TOGARAM2: variants seen among roughly 807,000 people sequenced by gnomAD.
TOGARAM2 encodes TOG array regulator of axonemal microtubules 2, also known as TOG array regulator of axonemal microtubules protein 2.
In TOGARAM2, 85 loss-of-function variants were observed where a neutral mutation model predicts 93.3. The observed-to-expected ratio is 0.91, with a 90% CI of 0.76 to 1.09. TOGARAM2 has a LOEUF of 1.09. Among genes scored for constraint, TOGARAM2 ranks in the 50% least tolerant of loss-of-function variants. The pLI is 0.00. For missense variants in TOGARAM2, 1,277 were observed against 1,334.5 expected (o/e 0.96, Z 0.67); for synonymous variants, 593 against 552.8 (o/e 1.07, Z -1.02).
In TOGARAM2 at chr2:28,965,154, G is replaced by A. The variant is rs1671850881; in HGVS notation, c.-147+8457G>A. Among the ~76,000 whole-genome samples the A allele has an allele frequency of 2.0e-5, 3 of 152,146 alleles. No individual in the cohort carries two copies. The South Asian group carries it at 6.2e-4, about 32-fold the overall frequency. On this transcript the variant is annotated intron_variant, in intron 1 of 6. Transcript: ENST00000401723. ...CTCCACAACCTCACCAGCGTCTGTT[G>A]TTTCTTGACTTTTTAATATTTGCTG... is the stretch of plus-strand genomic sequence containing the variant.
At chr2:28,962,464 G>A (rs1013057998) in intron 1 of TOGARAM2, among the ~76,000 whole-genome samples, 10 of 152,180 alleles carry the variant, frequency 6.6e-5, no homozygotes, top group East Asian at 5.8e-4. Flanking sequence ...GTGAACCACC[G>A]TGCCCAGCCT....
At chr2:28,977,455 G>T (rs962196481), upstream of TOGARAM2, among the ~76,000 whole-genome samples, 1 of 152,124 alleles carries the variant, frequency 6.6e-6, no homozygotes, top group African/African-American at 2.4e-5. Flanking sequence ...AGCCCAGGGG[G>T]TCAGAACTCC....
intron 2 of TOGARAM2, among the ~76,000 whole-genome samples, chr2:28,995,245 G>A (rs1672936083): frequency 6.6e-6 from 1 of 152,258 alleles, no homozygotes; most frequent in Admixed American, 6.5e-5. Flanking sequence ...AACCAAGTGG[G>A]GTAGTGGGAG....
At position 28,990,731 on chromosome 2, in the gene TOGARAM2, G is replaced by A. The variant is rs543202324; in HGVS notation, c.-110-3994G>A. Among the ~76,000 whole-genome samples, 6 of 152,148 alleles carry A rather than the reference G, an allele frequency of 3.9e-5. No individual in the cohort carries two copies. The East Asian group carries it at 7.7e-4, about 20-fold the overall frequency. ...TGTAGCAGGGTTACTTTGTCCTGTC[G>A]GGCGTGACAGTGAACGTTCACCTTC... On this transcript the variant is annotated intron_variant, in intron 1 of 19. Coordinates refer to ENST00000379558, the MANE Select transcript of TOGARAM2 (RefSeq NM_199280.4).
chr2:29,036,771 G>A lies in TOGARAM2; in HGVS notation c.2635+14G>A, dbSNP rs372149775. The A allele has an allele frequency of 1.7e-5, 27 of 1,605,202 alleles. No individual in the cohort carries two copies. Among genetic ancestry groups the A allele is most frequent in the African/African-American group, 1.2e-4 (9 of 74,834 alleles). ...TTGAGAGCCTGGGTGAGTGTCCCAC[G>A]TGGGCCTGTGTGGCTCTGGTCACCA... On this transcript the variant is annotated intron_variant, in intron 18 of 19. Transcript: ENST00000379558.
At chr2:29,011,553 T>C in intron 7 of TOGARAM2, 52 bp downstream of exon 7, 1 of 1,538,260 alleles carries the variant, frequency 6.5e-7, no homozygotes, top group Non-Finnish European at 8.8e-7. Context: ...TCTACATTCC[T>C]GGGCTGGGTC....
intron 10 of TOGARAM2, among the ~76,000 whole-genome samples, chr2:29,019,618 T>C (rs960848484): frequency 3.9e-5 from 6 of 152,190 alleles, no homozygotes; most frequent in Admixed American, 6.5e-5. Flanking sequence ...GGATAGTCTG[T>C]TGTCCCTCTT....
intron 1 of TOGARAM2, among the ~76,000 whole-genome samples, chr2:28,971,399 A>G (rs1255085527): frequency 6.6e-6 from 1 of 151,780 alleles, no homozygotes; most frequent in Non-Finnish European, 1.5e-5. Context: ...TTTTGTAGAG[A>G]TGGGGTCTCC....
At chr2:29,012,320 G>T (rs1664304911) in intron 7 of TOGARAM2, among the ~76,000 whole-genome samples, 1 of 152,212 alleles carries the variant, frequency 6.6e-6, no homozygotes, top group South Asian at 2.1e-4. Flanking sequence ...AGCTGGTGGG[G>T]CAGTTGGCGA....
At chr2:29,051,256 C>T (rs907765591) in intron 19 of TOGARAM2, 1 of 152,316 alleles carries the variant, frequency 6.6e-6, no homozygotes, top group Non-Finnish European at 1.5e-5. Context: ...TACAGGTAGG[C>T]ACTTTATGTA....
At chr2:29,045,460 C>A (rs1666688298) in intron 19 of TOGARAM2, 50 bp downstream of exon 19, 1 of 1,296,972 alleles carries the variant, frequency 7.7e-7, no homozygotes, top group Non-Finnish European at 1.1e-6. Context: ...GATTTCTGTT[C>A]TCTCCTGGTC....
intron 6 of TOGARAM2, among the ~76,000 whole-genome samples, chr2:29,007,274 G>A (rs1316081126): frequency 6.6e-6 from 1 of 152,160 alleles, no homozygotes; most frequent in Non-Finnish European, 1.5e-5. Flanking sequence ...TCCAGCACCA[G>A]AGGGAGAGAC....
chr2:29,032,662 A>G (rs557209085), intron 14 of TOGARAM2: 197 of 377,842 alleles, frequency 5.2e-4, no homozygotes, highest in African/African-American at 3.8e-3. Flanking sequence ...TACAACTTGT[A>G]TATACATTCT....
intron 11 of TOGARAM2, among the ~76,000 whole-genome samples, 162 bp from the exon 12 acceptor site, chr2:29,022,924 A>G (rs1487246302): frequency 6.6e-6 from 1 of 152,174 alleles, no homozygotes; most frequent in Admixed American, 6.5e-5. Flanking sequence ...ATTCCAGGCC[A>G]GGGTGTTACC....
intron 1 of TOGARAM2, among the ~76,000 whole-genome samples, chr2:28,985,204 C>G (rs988437960): frequency 6.6e-6 from 1 of 152,112 alleles, no homozygotes; most frequent in African/African-American, 2.4e-5. Context: ...CTCTCTGTCT[C>G]TCTCTCTGCC....
At chr2:29,004,996 ATG>A (rs1395406248) in intron 6 of TOGARAM2, among the ~76,000 whole-genome samples, 1 of 47,366 alleles carries the variant, frequency 2.1e-5, no homozygotes, top group South Asian at 6.4e-4. Context: ...GTGTGAGTGC[ATG>A]TGTGTGCATG....
upstream of TOGARAM2, among the ~76,000 whole-genome samples, chr2:28,978,439 G>A (rs571738973): frequency 3.3e-5 from 5 of 152,266 alleles, no homozygotes; most frequent in South Asian, 1.0e-3. Flanking sequence ...AGGGTATCTA[G>A]TCCTTCTTGT....
At chr2:29,043,169 AC>A (rs1334932887) in intron 18 of TOGARAM2, among the ~76,000 whole-genome samples, 1 of 152,180 alleles carries the variant, frequency 6.6e-6, no homozygotes, top group Non-Finnish European at 1.5e-5. Context: ...TTACCAATGC[AC>A]CCCGAGACCT....
chr2:29,005,230 TATGTGTGTGGGACC>T (rs1187953187), intron 6 of TOGARAM2, among the ~76,000 whole-genome samples: 1 of 147,908 alleles, frequency 6.8e-6, no homozygotes, highest in Non-Finnish European at 1.5e-5. Context: ...CATGTGTGTA[TATGTGTGTGGGACC>T]ATGTGTGTGA....
Sources: allele counts gnomAD v4.1 joint callset (sites outside exome capture counted in the v4.1 genomes callset), GRCh38; gene constraint gnomAD v4.1.1; transcripts MANE v1.5; gene names NCBI Gene and HGNC (gene_info 2026-07-23, HGNC 2026-07-21).